Variants in CEP112 observed in about 807,000 individuals in gnomAD.
The protein encoded by CEP112 is centrosomal protein 112, also known as centrosomal protein of 112 kDa.
Under a neutral mutation model 153.0 loss-of-function variants are expected in CEP112, and 127 were observed. The ratio of observed to expected loss-of-function variants is 0.83; its 90% CI spans 0.72 to 0.96. CEP112 has a LOEUF of 0.96. CEP112 is among the 40% of genes least tolerant of loss of function. The probability of loss-of-function intolerance (pLI) is 0.00; values close to 1 mark genes in which losing one functional copy is unlikely to be tolerated. For synonymous variants in CEP112, 358 were observed against 374.4 expected (o/e 0.96, Z 0.51); for missense variants, 1,089 against 1,101.2 (o/e 0.99, Z 0.16).
At chr17:65,866,124 C>T (rs947751593) in intron 20 of CEP112, among the ~76,000 whole-genome samples, 2 of 152,148 alleles carry the variant, frequency 1.3e-5, no homozygotes, top group South Asian at 2.1e-4. Context: ...TCAGCACTCT[C>T]GGGGGCCTGG....
rs570040009 is a variant in CEP112, at chr17:65,655,714, T to C, written c.2698-14649A>G. Reference sequence around the variant, plus strand: ...TTACAAGAAAGGACATATTGTTATGTATTTATATTCTGGCATAAGCTAAAC... The same window carrying C: ...TTACAAGAAAGGACATATTGTTATGCATTTATATTCTGGCATAAGCTAAAC... On this transcript the variant is annotated intron_variant, in intron 24 of 26. Coordinates refer to ENST00000535342, the MANE Select transcript of CEP112 (RefSeq NM_001199165.4). Among the ~76,000 whole-genome samples, 87 of 152,308 alleles carry C rather than the reference T, an allele frequency of 5.7e-4. No individual in the cohort carries two copies. In the South Asian group the frequency reaches 0.017, roughly 30 times the overall value.
intron 12 of CEP112, among the ~76,000 whole-genome samples, chr17:66,046,901 A>C (rs2066235085): frequency 6.6e-6 from 1 of 152,022 alleles, no homozygotes; most frequent in South Asian, 2.1e-4. Context: ...GACAAGAAGA[A>C]TTTTCCTCTA....
At chr17:66,015,815 T>G (rs1024839357) in intron 16 of CEP112, among the ~76,000 whole-genome samples, 1 of 152,202 alleles carries the variant, frequency 6.6e-6, no homozygotes, top group African/African-American at 2.4e-5. Context: ...TTTTCTCATA[T>G]CTTTAGTTAT....
At chr17:65,871,382 G>A (rs762315750) in intron 20 of CEP112, among the ~76,000 whole-genome samples, 10 of 152,022 alleles carry the variant, frequency 6.6e-5, no homozygotes, top group Non-Finnish European at 7.4e-5. Context: ...TGTGGCTCAC[G>A]CCCAGCACTT....
rs1676511527 is a variant in CEP112 at position 66,176,824 on chromosome 17, A to T, written c.297+6T>A. On this transcript the variant is annotated splice_donor_region_variant and intron_variant, in intron 3 of 26. Transcript: ENST00000535342. ...TAATATATACCTTTTGTTCATTGAT[A>T]CCTACCATGTATGAAGGTAGAATTT... The T allele has an allele frequency of 2.5e-6, 4 of 1,594,356 alleles. No individual in the cohort carries two copies. The highest frequency in any genetic ancestry group is 2.7e-5 in the African/African-American group (2 of 73,904).
At chr17:65,882,291 T>C (rs1448175270) in intron 20 of CEP112, among the ~76,000 whole-genome samples, 1 of 152,248 alleles carries the variant, frequency 6.6e-6, no homozygotes, top group Non-Finnish European at 1.5e-5. Flanking sequence ...TGTATGCTTC[T>C]TTGCCTTTTG....
In CEP112 at chr17:66,112,488, T is replaced by C. The variant is rs114387883; in HGVS notation, c.643-15856A>G. Among the ~76,000 whole-genome samples the C allele has an allele frequency of 3.4e-3, 512 of 152,262 alleles. 2 individuals are homozygous for C. The highest frequency in any genetic ancestry group is 0.012 in the African/African-American group (501 of 41,556). ...AATGCGGTGATATTTTACAATTTTA[T>C]AGATTGGCATAAATTAAAAATTTAC... On this transcript the variant is annotated intron_variant, in intron 6 of 26. Coordinates refer to ENST00000535342, the MANE Select transcript of CEP112 (RefSeq NM_001199165.4).
chr17:65,902,332 T>C lies in CEP112; in HGVS notation c.1983A>G (p.Ile661Met). Reference sequence around the variant, plus strand: ...GTTCATGCTCCAGCTTCAGCTCTACTATCTGATTGGACAATGAGGAGGACA... The same window carrying C: ...GTTCATGCTCCAGCTTCAGCTCTACCATCTGATTGGACAATGAGGAGGACA... ...EDIRQRYEQQ[I>M]VELKLEHEQE... Residue 661 changes from isoleucine to methionine, a missense_variant and splice_region_variant, in exon 20 of 27, where the codon ATA (isoleucine) becomes ATG (methionine). Physicochemically the swap from Ile to Met is conservative, Grantham distance 10 (BLOSUM62 1). Transcript: ENST00000535342. 6.2e-7 allele frequency: 1 copy of C among 1,612,194 alleles called. No individual in the cohort carries two copies. The highest frequency in any genetic ancestry group is 1.7e-4 in the Middle Eastern group (1 of 6,050).
intron 21 of CEP112, among the ~76,000 whole-genome samples, chr17:65,754,662 G>T (rs1253646281): frequency 6.8e-6 from 1 of 146,164 alleles, no homozygotes; most frequent in East Asian, 2.0e-4. Flanking sequence ...ACAGTGTAGA[G>T]GTCAGTGTGG....
chr17:65,935,792 T>A (rs944452780), intron 18 of CEP112, among the ~76,000 whole-genome samples: 3 of 151,552 alleles, frequency 2.0e-5, no homozygotes, highest in Non-Finnish European at 1.5e-5. Context: ...GGCATTTTTT[T>A]AAAAAAAGAA....
intron 16 of CEP112, among the ~76,000 whole-genome samples, chr17:66,016,142 T>A (rs1377853677): frequency 3.3e-5 from 5 of 152,224 alleles, no homozygotes; most frequent in African/African-American, 1.2e-4. Context: ...AGATATCATA[T>A]CTTCTTGTAT....
At chr17:66,062,441 GATAGA>G (rs991841222) in intron 11 of CEP112, among the ~76,000 whole-genome samples, 25 of 152,146 alleles carry the variant, frequency 1.6e-4, no homozygotes, top group African/African-American at 6.0e-4. Context: ...TGTTTGAGGT[GATAGA>G]AATGCTAATT....
At chr17:65,837,072 C>T (rs1046431042) in intron 21 of CEP112, among the ~76,000 whole-genome samples, 1 of 152,160 alleles carries the variant, frequency 6.6e-6, no homozygotes, top group African/African-American at 2.4e-5. Flanking sequence ...CCCAAGGTGC[C>T]GGGATTGCAG....
chr17:66,001,292 T>C (rs992640121), intron 17 of CEP112, among the ~76,000 whole-genome samples: 3 of 152,246 alleles, frequency 2.0e-5, no homozygotes, highest in Non-Finnish European at 4.4e-5. Flanking sequence ...TTGCCCACTT[T>C]TTAATGGGTT....
chr17:65,705,209 C>T (rs1171332228), intron 23 of CEP112, among the ~76,000 whole-genome samples: 2 of 152,150 alleles, frequency 1.3e-5, no homozygotes. Flanking sequence ...TCATAATGCT[C>T]CAAACTGCAA....
chr17:65,991,296 T>C (rs116767072), intron 17 of CEP112, among the ~76,000 whole-genome samples: 65 of 152,290 alleles, frequency 4.3e-4, no homozygotes, highest in African/African-American at 1.5e-3. Flanking sequence ...TATTTCCCTC[T>C]TGCTCCCCAA....
chr17:65,745,136 T>G (rs934814796), intron 22 of CEP112, among the ~76,000 whole-genome samples: 1 of 152,216 alleles, frequency 6.6e-6, no homozygotes, highest in Non-Finnish European at 1.5e-5. Context: ...ATATGGAGTA[T>G]TTATGCTTTG....
chr17:66,034,996 ATATATATATATATT>A (rs2065665804), intron 12 of CEP112, among the ~76,000 whole-genome samples: 1 of 76,024 alleles, frequency 1.3e-5, no homozygotes, highest in African/African-American at 3.5e-5. Context: ...ATATATACAT[ATATATATATATATT>A]TTTTTTTTTA....
chr17:66,162,779 T>A (rs1276348411), intron 4 of CEP112, among the ~76,000 whole-genome samples: 1 of 152,132 alleles, frequency 6.6e-6, no homozygotes, highest in African/African-American at 2.4e-5. Flanking sequence ...AAGAAAGAGT[T>A]TCTGGGGAGG....
Sources: allele counts gnomAD v4.1 joint callset (sites outside exome capture counted in the v4.1 genomes callset), GRCh38; gene constraint gnomAD v4.1.1; transcripts MANE v1.5; gene names NCBI Gene and HGNC (gene_info 2026-07-23, HGNC 2026-07-21).